The following RYR1 variants were observed in gnomAD, a reference collection of about 807,000 sequenced individuals.
RYR1 encodes central core disease of muscle.
Under a neutral mutation model 583.5 loss-of-function variants are expected in RYR1, and 342 were observed. The ratio of observed to expected loss-of-function variants is 0.59; its 90% CI spans 0.54 to 0.64. The LOEUF is 0.64. Ranked by LOEUF, RYR1 falls within the 30% of genes least tolerant of loss-of-function variation. RYR1 has a pLI of 0.00. For synonymous variants in RYR1, 2,791 were observed against 2,822.5 expected (o/e 0.99, Z 0.35); for missense variants, 6,032 against 6,917.2 (o/e 0.87, Z 4.54).
chr19:38,516,290 T>G, intron 65 of RYR1, 73 bp downstream of exon 65: 1 of 1,513,068 alleles, frequency 6.6e-7, no homozygotes. Context: ...GAGACCCTAA[T>G]TTGGGGGTAG....
chr19:38,560,651 C>G (rs921343878), intron 89 of RYR1, among the ~76,000 whole-genome samples: 1 of 148,092 alleles, frequency 6.8e-6, no homozygotes, highest in African/African-American at 2.5e-5. Context: ...ATCACTTGAC[C>G]CTGGGAGGTG....
intron 93 of RYR1, among the ~76,000 whole-genome samples, chr19:38,570,116 G>T (rs2145863470): frequency 6.6e-6 from 1 of 152,238 alleles, no homozygotes; most frequent in East Asian, 1.9e-4. Flanking sequence ...AGCCGAGATG[G>T]CGCCACTGCA....
rs143715861 is a variant in RYR1 at position 38,440,359 on chromosome 19, C to T, written c.46-386C>T. On this transcript the variant is annotated intron_variant, in intron 1 of 105. Coordinates refer to ENST00000359596, the MANE Select transcript of RYR1 (RefSeq NM_000540.3). Reference sequence around the variant, plus strand: ...TTCGAGAGCAGCCTGGCCAACATGGCGAAACCTTGTCTCTACTAAAAATAT... The same window carrying T: ...TTCGAGAGCAGCCTGGCCAACATGGTGAAACCTTGTCTCTACTAAAAATAT... 1.7e-3 allele frequency among the ~76,000 whole-genome samples: 254 copies of T among 152,060 alleles called. 2 individuals carry two copies. Among genetic ancestry groups the T allele is most frequent in the Middle Eastern group, 6.8e-3 (2 of 294 alleles).
In RYR1 at chr19:38,446,573, C is replaced by T; in HGVS notation, c.725+8C>T. 2 of 1,613,032 alleles carry T rather than the reference C, an allele frequency of 1.2e-6. No homozygotes were observed. Among genetic ancestry groups the T allele is most frequent in the East Asian group, 2.2e-5 (1 of 44,882 alleles). ...CAGTGATGACCAGCGCAGGTCTGGG[C>T]TGTGGACGAGAGGGCCTGGGGTCTA... On this transcript the variant is annotated splice_region_variant and intron_variant, in intron 8 of 105. Coordinates refer to ENST00000359596, the MANE Select transcript of RYR1 (RefSeq NM_000540.3).
At position 38,433,709 on chromosome 19, in the gene RYR1, C is replaced by T; in HGVS notation, c.-121C>T. On this transcript the variant is annotated 5_prime_UTR_variant, in exon 1 of 106. Transcript: ENST00000359596. ...ACTCCTCGCAGTTCCATCTACCTCG[C>T]GGGTGCCTCTGGTGTCTCCAGAGGT... The T allele has an allele frequency of 1.3e-6, 1 of 771,028 alleles. No individual in the cohort carries two copies. Among genetic ancestry groups the T allele is most frequent in the Non-Finnish European group, 2.3e-6 (1 of 443,866 alleles). The allele number at this position is 771,028 out of a possible 1,614,324, so 47.8% of individuals were successfully genotyped here. A position where few individuals can be genotyped will look rare whatever the true frequency, so the allele number is the denominator to read the frequency against.
intron 70 of RYR1, among the ~76,000 whole-genome samples, chr19:38,524,385 G>A (rs183282632): frequency 6.6e-6 from 1 of 152,002 alleles, no homozygotes; most frequent in East Asian, 1.9e-4. Flanking sequence ...ATAGTTAGCC[G>A]TGTGACCTTG....
At position 38,485,453 on chromosome 19, in the gene RYR1, G is replaced by A. The variant is rs533813562; in HGVS notation, c.4935-137G>A. On this transcript the variant is annotated intron_variant, in intron 33 of 105. Coordinates refer to ENST00000359596, the MANE Select transcript of RYR1 (RefSeq NM_000540.3). The stretch of plus-strand genomic sequence containing the variant: ...CCCAGGATGGGTGAATTGATAGATG[G>A]AATGGTAGGGGTTTGAAGGAAAGAC... The A allele has an allele frequency of 8.3e-6, 10 of 1,198,160 alleles. No homozygotes were observed. In the East Asian group the frequency reaches 2.3e-4, roughly 28 times the overall value. 74.2% of individuals were successfully genotyped at this position (1,198,160 alleles called of 1,614,324 possible).
intron 64 of RYR1, 21 bp downstream of exon 64, chr19:38,515,128 T>C: frequency 6.4e-7 from 1 of 1,555,424 alleles, no homozygotes; most frequent in Non-Finnish European, 8.8e-7. Context: ...GGAGCCATCG[T>C]TTGGGGCTGG....
chr19:38,529,111 C>T, intron 76 of RYR1, 54 bp downstream of exon 76: 1 of 1,574,946 alleles, frequency 6.3e-7, no homozygotes, highest in African/African-American at 1.3e-5. Context: ...GGGGCCACCC[C>T]CAGCCCAGCA....
intron 67 of RYR1, among the ~76,000 whole-genome samples, chr19:38,521,461 C>T (rs1421563592): frequency 6.6e-6 from 1 of 151,488 alleles, no homozygotes; most frequent in Admixed American, 6.6e-5. Context: ...ATCACTCAAA[C>T]TCAGTCTCAA....
Position 38,512,221 on chromosome 19 carries a change from G to A in RYR1, c.9234-24G>A. On this transcript the variant is annotated intron_variant, in intron 62 of 105. Transcript: ENST00000359596. This position sits in a 1 kb window ranked among gnomAD's most constrained non-coding sequence, Gnocchi z 5.1. The stretch of plus-strand genomic sequence containing the variant: ...TCCTAGACTCTCCGATTCCAGAGCT[G>A]ATGTTCCCCCGCTGCCCTTCTAGGA... The A allele has an allele frequency of 6.2e-7, 1 of 1,614,124 alleles. No homozygotes were observed. Among genetic ancestry groups the A allele is most frequent in the Non-Finnish European group, 8.5e-7 (1 of 1,179,954 alleles).
chr19:38,485,965 G>A lies in RYR1; in HGVS notation c.5310G>A (p.Ser1770=), dbSNP rs1600772466. The A allele has an allele frequency of 1.2e-6, 2 of 1,613,646 alleles. No homozygotes were observed. The highest frequency in any genetic ancestry group is 1.7e-6 in the Non-Finnish European group (2 of 1,179,986). The part of the protein sequence containing the change: ...HGLPGVGVTT[S]LRPPHHFSPP... ...TGCCGGGAGTTGGAGTCACCACTTC[G>A]CTGAGGCCCCCGCATCATTTCTCGC... Residue 1770 remains serine, a synonymous_variant, in exon 34 of 106, where the codon TCG becomes TCA. Transcript: ENST00000359596.
chr19:38,499,382 G>T lies in RYR1; in HGVS notation c.7027+139G>T. The stretch of plus-strand genomic sequence containing the variant: ...TTCCAGCAGGCCTGGGGCTGGCAGG[G>T]GCCTGTGTTACCCCTGGAGGTGTTG... On this transcript the variant is annotated intron_variant, in intron 43 of 105. Transcript: ENST00000359596. This position sits in a 1 kb window ranked among gnomAD's most constrained non-coding sequence, Gnocchi z 7.3. 7.0e-7 allele frequency: 1 copy of T among 1,421,990 alleles called. No individual in the cohort carries two copies. Among genetic ancestry groups the T allele is most frequent in the East Asian group, 2.3e-5 (1 of 43,014 alleles). 88.1% of individuals were successfully genotyped at this position (1,421,990 alleles called of 1,614,324 possible).
intron 84 of RYR1, among the ~76,000 whole-genome samples, chr19:38,539,382 G>A (rs1972110383): frequency 6.6e-6 from 1 of 151,696 alleles, no homozygotes; most frequent in Admixed American, 6.6e-5. Flanking sequence ...AGGACTACAG[G>A]CATGCATCAC....
At chr19:38,460,259 C>G in intron 19 of RYR1, 116 bp from the exon 20 acceptor site, 2 of 944,684 alleles carry the variant, frequency 2.1e-6, no homozygotes, top group South Asian at 2.6e-5. Context: ...GCCCGGTGAC[C>G]TTTGGTCTCC....
rs150849957 is a variant in RYR1, at chr19:38,567,788, G to A, written c.13530G>A (p.Glu4510=). Residue 4510 remains glutamate, a synonymous_variant, in exon 93 of 106, where the codon GAG becomes GAA. Coordinates refer to ENST00000359596, the MANE Select transcript of RYR1 (RefSeq NM_000540.3). The stretch of plus-strand genomic sequence containing the variant: ...TGCCCTGCAGTGCCGAGAATGGGGA[G>A]AAGGAAGAAGTTCCCGAGCCCACAC... The part of the protein sequence containing the change: ...EPEKADAENG[E]KEEVPEPTPE... The A allele has an allele frequency of 6.2e-7, 1 of 1,614,078 alleles. No individual in the cohort carries two copies. Among genetic ancestry groups the A allele is most frequent in the African/African-American group, 1.3e-5 (1 of 74,940 alleles).
chr19:38,512,353 G>T lies in RYR1; in HGVS notation c.9342G>T (p.Lys3114Asn). 6.2e-7 allele frequency: 1 copy of T among 1,614,198 alleles called. No homozygotes were observed. The highest frequency in any genetic ancestry group is 8.5e-7 in the Non-Finnish European group (1 of 1,180,048). Reference sequence around the variant, plus strand: ...TGGTGGAGAACCTGCGGCTGGGCAAGGTGTCGCAGGCGCGCACCCAGGTGA... The same window carrying T: ...TGGTGGAGAACCTGCGGCTGGGCAATGTGTCGCAGGCGCGCACCCAGGTGA... ...EKMVENLRLG[K>N]VSQARTQVKG... Residue 3114 changes from lysine to asparagine, a missense_variant, in exon 63 of 106, where the codon AAG (lysine) becomes AAT (asparagine). By Grantham distance (94) the Lys-to-Asn change is moderately conservative. Transcript: ENST00000359596. This position sits in a 1 kb window ranked among gnomAD's most constrained non-coding sequence, Gnocchi z 5.1.
At chr19:38,522,233 A>T (rs1484681597) in intron 67 of RYR1, among the ~76,000 whole-genome samples, 1 of 152,152 alleles carries the variant, frequency 6.6e-6, no homozygotes, top group African/African-American at 2.4e-5. Context: ...TGTATGTATC[A>T]TGTGTGTCTA....
rs372261893 is a variant in RYR1 at position 38,511,522 on chromosome 19, G to A, written c.9123-39G>A. ...CCTCGTCTCCTTGGCCTCCTCACTC[G>A]CTGTTTCTCCTGCCTTCTGTCCCTT... On this transcript the variant is annotated intron_variant, in intron 60 of 105. Coordinates refer to ENST00000359596, the MANE Select transcript of RYR1 (RefSeq NM_000540.3). The A allele has an allele frequency of 2.0e-5, 32 of 1,610,572 alleles. No homozygotes were observed. The African/African-American group carries it at 3.6e-4, about 18-fold the overall frequency.
Sources: allele counts gnomAD v4.1 joint callset (sites outside exome capture counted in the v4.1 genomes callset), GRCh38; gene constraint gnomAD v4.1.1; non-coding constraint Gnocchi (gnomAD v3.1); transcripts MANE v1.5; gene names NCBI Gene and HGNC (gene_info 2026-07-23, HGNC 2026-07-21).